SCN1A: variants seen among roughly 807,000 people sequenced by gnomAD.
The protein encoded by SCN1A is sodium voltage-gated channel alpha subunit 1.
In SCN1A, 13 loss-of-function variants were observed where a neutral mutation model predicts 193.7. The observed-to-expected ratio is 0.07, with a 90% confidence interval of 0.04 to 0.11. SCN1A has a LOEUF of 0.11. SCN1A is among the 10% of genes least tolerant of loss of function. SCN1A has a pLI of 1.00. For missense variants in SCN1A, 1,432 were observed against 2,451.1 expected (o/e 0.58, Z 8.78); for synonymous variants, 781 against 843.6 (o/e 0.93, Z 1.29).
chr2:166,137,427 G>A (rs758059120), intron 1 of SCN1A: 1 of 152,174 alleles, frequency 6.6e-6, no homozygotes, highest in African/African-American at 2.4e-5. Flanking sequence ...GTAGTAGGAG[G>A]AACCTGGTGG....
At position 166,038,021 on chromosome 2, in the gene SCN1A, C is replaced by T. The variant is rs12617205; in HGVS notation, c.2701G>A (p.Val901Ile). 7 of 1,614,166 alleles carry T rather than the reference C, an allele frequency of 4.3e-6. No homozygotes were observed. Among genetic ancestry groups the T allele is most frequent in the South Asian group, 3.3e-5 (3 of 91,084 alleles). Reference sequence around the variant, plus strand: ...ATGCCGACCACGGCAAAAATGAAGACGATGATGGCCAAGACGAGGGTTAAA... The same window carrying T: ...ATGCCGACCACGGCAAAAATGAAGATGATGATGGCCAAGACGAGGGTTAAA... ...GNLTLVLAII[V>I]FIFAVVGMQL... The change falls in exon 18 of 29, where the codon GTC becomes ATC. Residue 901 changes from valine (V) to isoleucine (I), a missense_variant. By Grantham distance (29) the Val-to-Ile change is conservative (BLOSUM62 3). Coordinates refer to ENST00000674923, the MANE Select transcript of SCN1A (RefSeq NM_001165963.4).
chr2:166,040,896 A>G (rs568857644), intron 16 of SCN1A, among the ~76,000 whole-genome samples: 1 of 152,346 alleles, frequency 6.6e-6, no homozygotes, highest in African/African-American at 2.4e-5. Flanking sequence ...CCACAATTTT[A>G]TTTTAATCTT....
intron 2 of SCN1A, among the ~76,000 whole-genome samples, chr2:166,102,746 C>T (rs1034623792): frequency 2.0e-5 from 3 of 152,054 alleles, no homozygotes; most frequent in Non-Finnish European, 4.4e-5. Context: ...GACACATGCA[C>T]GCATATGTTC....
At chr2:166,047,580 CT>C in intron 11 of SCN1A, 46 bp downstream of exon 11, 1 of 1,603,572 alleles carries the variant, frequency 6.2e-7, no homozygotes, top group Non-Finnish European at 8.5e-7. Context: ...AATTGGTTTT[CT>C]TGTATACTTT....
chr2:166,006,506 T>A (rs905733300), intron 23 of SCN1A, among the ~76,000 whole-genome samples: 1 of 151,458 alleles, frequency 6.6e-6, no homozygotes, highest in African/African-American at 2.4e-5. Flanking sequence ...CCTTAAATTT[T>A]ATCTTAATAC....
At chr2:166,014,401 A>G (rs1692968048) in intron 20 of SCN1A, among the ~76,000 whole-genome samples, 1 of 151,572 alleles carries the variant, frequency 6.6e-6, no homozygotes, top group Admixed American at 6.6e-5. Flanking sequence ...TTAGTTCACT[A>G]AAAGCTAATT....
intron 19 of SCN1A, among the ~76,000 whole-genome samples, chr2:166,018,395 T>G (rs1232084912): frequency 6.6e-6 from 1 of 152,006 alleles, no homozygotes; most frequent in Admixed American, 6.6e-5. Flanking sequence ...CAAAAGACCT[T>G]ATGTTACTTT....
At chr2:166,009,439 CT>C (rs1161207022) in intron 23 of SCN1A, 25 of 233,512 alleles carry the variant, frequency 1.1e-4, no homozygotes, top group East Asian at 2.8e-4. Context: ...AATGCATCAG[CT>C]TTTTTTTGTA....
intron 22 of SCN1A, among the ~76,000 whole-genome samples, chr2:166,010,673 C>T (rs533964852): frequency 6.6e-6 from 1 of 151,278 alleles, no homozygotes; most frequent in Admixed American, 6.6e-5. Flanking sequence ...TTGGAGAATT[C>T]CGCATATACT....
intron 19 of SCN1A, among the ~76,000 whole-genome samples, chr2:166,020,767 A>T (rs1013493046): frequency 1.3e-5 from 2 of 152,218 alleles, no homozygotes; most frequent in African/African-American, 4.8e-5. Context: ...ATTTCTGAGA[A>T]GATACTAAAT....
intron 2 of SCN1A, among the ~76,000 whole-genome samples, chr2:166,103,323 C>T (rs1001364207): frequency 1.9e-4 from 29 of 151,982 alleles, no homozygotes; most frequent in African/African-American, 6.5e-4. Context: ...TGGTGGCAGG[C>T]ACCTGTGGTC....
chr2:166,022,687 T>A (rs1448620589), intron 19 of SCN1A, among the ~76,000 whole-genome samples: 1 of 152,196 alleles, frequency 6.6e-6, no homozygotes, highest in Non-Finnish European at 1.5e-5. Flanking sequence ...AGTAATGGGA[T>A]GTCACTCTGG....
At position 165,990,146 on chromosome 2, in the gene SCN1A, T is replaced by C. The variant is rs1279220432; in HGVS notation, c.*1099A>G. ...TCTATAAATGGTACAGAATACATTT[T>C]ATTACCTGTGTAAAGCTTGCACTCT... On this transcript the variant is annotated 3_prime_UTR_variant, in exon 29 of 29. Transcript: ENST00000674923. The C allele has an allele frequency of 6.6e-6, 1 of 152,614 alleles. No homozygotes were observed. The highest frequency in any genetic ancestry group is 1.5e-5 in the Non-Finnish European group (1 of 68,034). The allele number at this position is 152,614 out of a possible 1,614,324, so 9.5% of individuals were successfully genotyped here.
At chr2:166,008,806 A>G (rs2105560293) in intron 23 of SCN1A, among the ~76,000 whole-genome samples, 1 of 151,026 alleles carries the variant, frequency 6.6e-6, no homozygotes, top group Non-Finnish European at 1.5e-5. Flanking sequence ...GTGTTTTTCT[A>G]TTGGAATCAC....
chr2:166,023,930 C>T (rs1403481699), intron 19 of SCN1A, among the ~76,000 whole-genome samples: 1 of 151,974 alleles, frequency 6.6e-6, no homozygotes, highest in Non-Finnish European at 1.5e-5. Context: ...CACCTGCCAC[C>T]ATGCCTGGCT....
intron 12 of SCN1A, 71 bp from the exon 13 acceptor site, chr2:166,045,398 A>G: frequency 1.3e-6 from 2 of 1,508,340 alleles, no homozygotes; most frequent in Non-Finnish European, 1.8e-6. Flanking sequence ...GGGCTGAAGT[A>G]TTTGCATGGC....
At chr2:166,104,572 G>A (rs1463685937) in intron 2 of SCN1A, among the ~76,000 whole-genome samples, 5 of 151,906 alleles carry the variant, frequency 3.3e-5, no homozygotes, top group South Asian at 2.1e-4. Flanking sequence ...GCAAAACCCC[G>A]TCTCTACAAA....
intron 24 of SCN1A, among the ~76,000 whole-genome samples, chr2:166,000,253 A>AT (rs1690644352): frequency 6.6e-6 from 1 of 151,808 alleles, no homozygotes; most frequent in South Asian, 2.1e-4. Context: ...ACCAGGATAC[A>AT]TAAAGGCAGG....
chr2:166,114,711 T>A (rs533380420), intron 2 of SCN1A, among the ~76,000 whole-genome samples: 103 of 152,262 alleles, frequency 6.8e-4, no homozygotes, highest in African/African-American at 2.4e-3. Context: ...ATTATCAGAA[T>A]AATTAAATAA....
Sources: allele counts gnomAD v4.1 joint callset (sites outside exome capture counted in the v4.1 genomes callset), GRCh38; gene constraint gnomAD v4.1.1; transcripts MANE v1.5; gene names NCBI Gene and HGNC (gene_info 2026-07-23, HGNC 2026-07-21).